Variants in MAML2 observed in about 807,000 individuals in gnomAD.
MAML2 encodes the protein mastermind-like protein 2.
A neutral mutation model predicts 96.1 loss-of-function variants in MAML2; 22 were observed. The observed-to-expected ratio is 0.23, with a 90% CI of 0.16 to 0.33. The LOEUF is 0.33. Among genes scored for constraint, MAML2 ranks in the 10% least tolerant of loss-of-function variants. MAML2 has a pLI of 1.00. For synonymous variants in MAML2, 561 were observed against 521.3 expected (o/e 1.08, Z -1.04); for missense variants, 1,367 against 1,392.4 (o/e 0.98, Z 0.29).
intron 1 of MAML2, among the ~76,000 whole-genome samples, chr11:96,299,513 A>G (rs1863356893): frequency 6.6e-6 from 1 of 152,032 alleles, no homozygotes; most frequent in Non-Finnish European, 1.5e-5. Flanking sequence ...TCTCCACCTC[A>G]GGGTTTTTCT....
chr11:96,081,438 T>C (rs1308617478), intron 2 of MAML2, among the ~76,000 whole-genome samples: 2 of 152,190 alleles, frequency 1.3e-5, no homozygotes, highest in African/African-American at 4.8e-5. Context: ...ATTCCCCTGA[T>C]GATAAATGTA....
At chr11:96,016,483 T>C (rs745606872) in intron 2 of MAML2, among the ~76,000 whole-genome samples, 2 of 152,188 alleles carry the variant, frequency 1.3e-5, no homozygotes, top group Admixed American at 6.5e-5. Context: ...CCCTCCACCA[T>C]GCCTCTCACA....
At chr11:96,029,346 C>T (rs10765785) in intron 2 of MAML2, among the ~76,000 whole-genome samples, 1 of 151,766 alleles carries the variant, frequency 6.6e-6, no homozygotes, top group Non-Finnish European at 1.5e-5. Flanking sequence ...ATTTTTACAT[C>T]GTAAAAATGT....
intron 1 of MAML2, among the ~76,000 whole-genome samples, chr11:96,167,322 C>G (rs1290439204): frequency 6.6e-6 from 1 of 151,964 alleles, no homozygotes; most frequent in African/African-American, 2.4e-5. Flanking sequence ...ATCTCTTGCT[C>G]TTACTCCTTC....
At chr11:96,141,202 C>T (rs1442217653) in intron 1 of MAML2, among the ~76,000 whole-genome samples, 2 of 152,040 alleles carry the variant, frequency 1.3e-5, no homozygotes, top group Non-Finnish European at 2.9e-5. Flanking sequence ...ATTTTTAGTA[C>T]AAATATGTCC....
chr11:96,121,741 C>A (rs1860344002), intron 1 of MAML2, among the ~76,000 whole-genome samples: 1 of 147,106 alleles, frequency 6.8e-6, no homozygotes, highest in African/African-American at 2.5e-5. Flanking sequence ...GAAAGCAATG[C>A]CCTTAATTTT....
chr11:96,116,913 C>G (rs1860253821), intron 1 of MAML2, among the ~76,000 whole-genome samples: 1 of 152,082 alleles, frequency 6.6e-6, no homozygotes. Flanking sequence ...AGCTAAGTAG[C>G]GTTTTATAAA....
intron 1 of MAML2, among the ~76,000 whole-genome samples, chr11:96,107,813 G>A (rs1860049525): frequency 6.6e-6 from 1 of 152,162 alleles, no homozygotes; most frequent in South Asian, 2.1e-4. Context: ...GAGCTTCCAG[G>A]TTGCTGAACA....
Position 96,093,061 on chromosome 11 carries a change from G to A in MAML2, c.970C>T (p.Leu324Phe). The change falls in exon 2 of 5, where the codon CTT becomes TTT. Residue 324 changes from leucine (L) to phenylalanine (F), a missense_variant. Physicochemically the swap from Leu to Phe is conservative, Grantham distance 22 (BLOSUM62 0). Coordinates refer to ENST00000524717, the MANE Select transcript of MAML2 (RefSeq NM_032427.4). ...TNISVPPMSDLELENMINATI... is the reference protein window; with the variant it reads ...TNISVPPMSDFELENMINATI... Reference sequence around the variant, plus strand: ...GCATTGATCATGTTCTCCAGTTCAAGGTCACTCATGGGAGGCACAGATATG... The same window carrying A: ...GCATTGATCATGTTCTCCAGTTCAAAGTCACTCATGGGAGGCACAGATATG... The A allele has an allele frequency of 6.2e-7, 1 of 1,614,024 alleles. No homozygotes were observed.
chr11:95,980,039 A>G, intron 4 of MAML2, 76 bp from the exon 5 acceptor site: 1 of 1,145,910 alleles, frequency 8.7e-7, no homozygotes, highest in Non-Finnish European at 1.2e-6. Flanking sequence ...TCAATAACTC[A>G]TCAATCTGAA....
chr11:96,275,552 A>G (rs890735129), intron 1 of MAML2, among the ~76,000 whole-genome samples: 17 of 152,184 alleles, frequency 1.1e-4, no homozygotes, highest in Admixed American at 3.3e-4. Context: ...TACAGGCATG[A>G]GCCACCACAC....
chr11:96,004,555 T>A (rs982493997), intron 2 of MAML2, among the ~76,000 whole-genome samples: 1 of 152,056 alleles, frequency 6.6e-6, no homozygotes, highest in African/African-American at 2.4e-5. Flanking sequence ...AAGTGAGAAA[T>A]CCAAGAAAAT....
intron 1 of MAML2, among the ~76,000 whole-genome samples, chr11:96,205,302 AC>A (rs1861880289): frequency 6.6e-6 from 1 of 152,082 alleles, no homozygotes; most frequent in Admixed American, 6.5e-5. Flanking sequence ...CTGTGAGTGA[AC>A]TCCCAGGGAC....
intron 1 of MAML2, among the ~76,000 whole-genome samples, chr11:96,219,086 G>A (rs912284967): frequency 5.9e-5 from 9 of 152,140 alleles, no homozygotes; most frequent in African/African-American, 1.9e-4. Context: ...ATCCGGCTCC[G>A]GGTCTAATGG....
chr11:96,110,045 G>A (rs1860091878), intron 1 of MAML2, among the ~76,000 whole-genome samples: 5 of 152,152 alleles, frequency 3.3e-5, no homozygotes, highest in Admixed American at 3.3e-4. Flanking sequence ...AAAGAAGAGA[G>A]TGTTTCAAGG....
intron 1 of MAML2, among the ~76,000 whole-genome samples, chr11:96,229,256 AG>A (rs1255913158): frequency 6.6e-6 from 1 of 152,188 alleles, no homozygotes; most frequent in Non-Finnish European, 1.5e-5. Context: ...AATGGCAAAA[AG>A]AAAACAATAC....
At position 96,021,868 on chromosome 11, in the gene MAML2, C is replaced by G. The variant is rs190522394; in HGVS notation, c.2140-30145G>C. ...TGAGGGATGCCATGTCCTGCCTCTT[C>G]CCAGTCCCAGCATTCCTCTTTGCCT... On this transcript the variant is annotated intron_variant, in intron 2 of 4. Coordinates refer to ENST00000524717, the MANE Select transcript of MAML2 (RefSeq NM_032427.4). Among the ~76,000 whole-genome samples the G allele has an allele frequency of 1.2e-4, 18 of 152,348 alleles. No homozygotes were observed. In the East Asian group the frequency reaches 3.5e-3, roughly 29 times the overall value.
chr11:96,159,430 T>TTTTTTTTTA (rs1861067816), intron 1 of MAML2, among the ~76,000 whole-genome samples: 1 of 142,744 alleles, frequency 7.0e-6, no homozygotes, highest in African/African-American at 2.6e-5. Flanking sequence ...TTTTTTTTTT[T>TTTTTTTTTA]GAGACGGAGT....
intron 1 of MAML2, among the ~76,000 whole-genome samples, chr11:96,148,651 C>T (rs2135874281): frequency 8.1e-6 from 1 of 123,350 alleles, no homozygotes; most frequent in South Asian, 2.6e-4. Flanking sequence ...TCTGAAAATT[C>T]TGAAAAATAC....
Sources: allele counts gnomAD v4.1 joint callset (sites outside exome capture counted in the v4.1 genomes callset), GRCh38; gene constraint gnomAD v4.1.1; transcripts MANE v1.5; gene names NCBI Gene and HGNC (gene_info 2026-07-23, HGNC 2026-07-21).